Variants in AVEN observed in about 807,000 individuals in gnomAD.
The protein encoded by AVEN is cell death regulator Aven.
In AVEN, 41 loss-of-function variants were observed where a neutral mutation model predicts 38.1. That is an observed-to-expected ratio of 1.08 (90% confidence interval 0.84 to 1.40). The LOEUF (loss-of-function observed/expected upper bound fraction) is 1.40, where lower values mean the gene tolerates loss of function less well. AVEN is among the 40% of genes most tolerant of loss of function. The probability of loss-of-function intolerance (pLI) is 0.00; values close to 1 mark genes in which losing one functional copy is unlikely to be tolerated. For missense variants in AVEN, 605 were observed against 438.8 expected, an observed-to-expected ratio of 1.38 and a Z score of -3.38; for synonymous variants, 206 against 171.8, an observed-to-expected ratio of 1.20 and a Z score of -1.56.
At chr15:33,860,988 A>G in intron 11 of AVEN, 1 of 1,054,930 alleles carries the variant, frequency 9.5e-7, no homozygotes, top group Non-Finnish European at 1.4e-6. Flanking sequence ...GAAAGTTTTC[A>G]TTATCCTTCA....
chr15:33,928,435 G>C (rs1893711049), intron 2 of AVEN, among the ~76,000 whole-genome samples: 1 of 152,178 alleles, frequency 6.6e-6, no homozygotes, highest in Admixed American at 6.5e-5. Context: ...TGGAAAGGTG[G>C]CCCTGGAAGT....
At chr15:34,032,785 T>C (rs941050345) in intron 1 of AVEN, among the ~76,000 whole-genome samples, 5 of 152,206 alleles carry the variant, frequency 3.3e-5, no homozygotes, top group South Asian at 2.1e-4. Context: ...TCTGGCTGTA[T>C]TCCCCAAGCC....
chr15:33,890,390 T>C (rs1567398515), intron 2 of AVEN, among the ~76,000 whole-genome samples: 2 of 152,070 alleles, frequency 1.3e-5, no homozygotes, highest in East Asian at 3.9e-4. Flanking sequence ...GAAATAATAA[T>C]GCGTAAATAT....
chr15:33,933,680 C>T (rs913288495), intron 2 of AVEN, among the ~76,000 whole-genome samples: 7 of 152,136 alleles, frequency 4.6e-5, no homozygotes, highest in African/African-American at 7.2e-5. Context: ...TAGTCTCAGC[C>T]GGGTGCAGTG....
At chr15:33,864,650 A>G (rs2153027902), downstream of AVEN, 1 of 175,866 alleles carries the variant, frequency 5.7e-6, no homozygotes, top group Non-Finnish European at 1.2e-5. Flanking sequence ...GTGAAAAAGA[A>G]ATGGAAAGGT....
chr15:34,039,510 AT>A (rs913232796), upstream of AVEN, among the ~76,000 whole-genome samples: 2 of 152,120 alleles, frequency 1.3e-5, no homozygotes, highest in Non-Finnish European at 2.9e-5. Flanking sequence ...AAGTGAGTTA[AT>A]TTTTTTTCCT....
At chr15:33,971,817 T>C (rs535732) in intron 2 of AVEN, among the ~76,000 whole-genome samples, 129,407 of 152,060 alleles carry the variant, frequency 0.85, 57,855 homozygotes, top group Non-Finnish European at 0.98. Flanking sequence ...ATTTTCCTTA[T>C]GAAGTGACCA....
chr15:33,966,775 G>A (rs1195609321), intron 2 of AVEN, among the ~76,000 whole-genome samples: 1 of 152,132 alleles, frequency 6.6e-6, no homozygotes, highest in Non-Finnish European at 1.5e-5. Flanking sequence ...GAAAAGTTAA[G>A]TGGACAGCCA....
intron 1 of AVEN, among the ~76,000 whole-genome samples, chr15:34,034,329 T>C (rs1485510733): frequency 2.0e-5 from 3 of 151,804 alleles, no homozygotes; most frequent in African/African-American, 7.3e-5. Context: ...TACTCCCACC[T>C]ACTCAGGAGG....
At chr15:33,888,748 C>CTT (rs1242033630) in intron 2 of AVEN, among the ~76,000 whole-genome samples, 1 of 151,646 alleles carries the variant, frequency 6.6e-6, no homozygotes, top group South Asian at 2.1e-4. Flanking sequence ...TTTTGGAATT[C>CTT]TTTTTTTGTG....
intron 2 of AVEN, among the ~76,000 whole-genome samples, chr15:33,887,989 G>C (rs762708030): frequency 1.3e-5 from 2 of 152,100 alleles, no homozygotes; most frequent in Non-Finnish European, 2.9e-5. Context: ...CACCCTCAGG[G>C]AGAGCAGATG....
intron 2 of AVEN, among the ~76,000 whole-genome samples, chr15:33,879,581 G>C (rs1187757702): frequency 1.3e-5 from 2 of 151,998 alleles, no homozygotes; most frequent in Non-Finnish European, 2.9e-5. Flanking sequence ...AGATAGTGAA[G>C]CAATGTCTCG....
downstream of AVEN, among the ~76,000 whole-genome samples, chr15:33,856,963 G>T (rs1329091151): frequency 6.6e-6 from 1 of 152,086 alleles, no homozygotes; most frequent in Non-Finnish European, 1.5e-5. Context: ...CCGGCCTGGG[G>T]TTTTTTAAGC....
At chr15:33,961,722 A>G (rs966758177) in intron 2 of AVEN, among the ~76,000 whole-genome samples, 1 of 148,094 alleles carries the variant, frequency 6.8e-6, no homozygotes, top group Non-Finnish European at 1.5e-5. Context: ...CTGAGGCAGG[A>G]GAATGGCGTG....
At chr15:34,018,943 T>G (rs1315753736) in intron 1 of AVEN, among the ~76,000 whole-genome samples, 2 of 152,064 alleles carry the variant, frequency 1.3e-5, no homozygotes, top group African/African-American at 4.8e-5. Context: ...TTTTTTACAA[T>G]CCTTCAGCTA....
Position 33,867,867 on chromosome 15 carries a change from G to A in AVEN, c.613-12C>T, listed in dbSNP as rs765353935. On this transcript the variant is annotated splice_polypyrimidine_tract_variant and intron_variant, in intron 4 of 5. Transcript: ENST00000306730. ...AAAGGAACTGTACCCTGAAAGAGAA[G>A]TATAAAAACTGAGTTAAAAATGTGA... is the stretch of plus-strand genomic sequence containing the variant. 8 of 1,544,866 alleles carry A rather than the reference G, an allele frequency of 5.2e-6. No individual in the cohort carries two copies. Among genetic ancestry groups the A allele is most frequent in the Non-Finnish European group, 7.0e-6 (8 of 1,150,832 alleles).
chr15:34,053,102 C>T (rs951417476), intron 5 of AVEN, among the ~76,000 whole-genome samples: 4 of 151,584 alleles, frequency 2.6e-5, no homozygotes, highest in East Asian at 1.9e-4. Flanking sequence ...GAATTTGAGA[C>T]GAGCCTAGCC....
intron 2 of AVEN, chr15:33,972,090 CTT>C (rs1375452509): frequency 1.3e-5 from 2 of 152,182 alleles, no homozygotes; most frequent in East Asian, 3.9e-4. Context: ...GCATTTGTCA[CTT>C]TTTCAGCATC....
intron 5 of AVEN, among the ~76,000 whole-genome samples, chr15:34,049,239 G>T (rs1252577824): frequency 6.6e-6 from 1 of 152,160 alleles, no homozygotes; most frequent in African/African-American, 2.4e-5. Context: ...TTCTGAAAGT[G>T]GGTAATAACA....
Sources: gnomAD v4.1 joint callset for allele counts (sites outside exome capture counted in the v4.1 genomes callset) on GRCh38, gnomAD v4.1.1 for gene constraint, MANE v1.5 for transcripts, NCBI Gene and HGNC (gene_info 2026-07-23, HGNC 2026-07-21) for gene names.